Variants in PCBP3 observed in about 807,000 individuals in gnomAD.
The protein encoded by PCBP3 is poly(rC) binding protein 3.
Under a neutral mutation model 52.7 loss-of-function variants are expected in PCBP3, and 25 were observed. That is an observed-to-expected ratio of 0.47 (90% CI 0.35 to 0.66). The LOEUF is 0.66. PCBP3 is among the 30% of genes least tolerant of loss of function. The pLI, the probability that PCBP3 is intolerant of heterozygous loss-of-function variation, is 0.01. For missense variants in PCBP3, 391 were observed against 490.3 expected (o/e 0.80, Z 1.91); for synonymous variants, 162 against 183.0 (o/e 0.89, Z 0.93).
intron 4 of PCBP3, among the ~76,000 whole-genome samples, chr21:45,845,670 T>C (rs980805526): frequency 6.6e-6 from 1 of 151,952 alleles, no homozygotes; most frequent in African/African-American, 2.4e-5. Context: ...CTTTGCCATG[T>C]GCATGCATGT....
chr21:45,785,034 G>A (rs1302495660), intron 4 of PCBP3, among the ~76,000 whole-genome samples: 3 of 151,406 alleles, frequency 2.0e-5, no homozygotes, highest in African/African-American at 7.3e-5. Context: ...CTGCCCGGCC[G>A]CCCATCATCT....
rs2075789040 is a variant in PCBP3 at position 45,928,620 on chromosome 21, G to T, written c.718-1297G>T. ...AGGGGTGGCCAGGGCAAGCATGGGG[G>T]TCTGGTCAGGTGCTCAGCAGCCGGC... On this transcript the variant is annotated intron_variant, in intron 13 of 17. Transcript: ENST00000681687. This position sits in a 1 kb window ranked among gnomAD's most constrained non-coding sequence, Gnocchi z 4.1. Among the ~76,000 whole-genome samples, 7 of 152,122 alleles carry T rather than the reference G, an allele frequency of 4.6e-5. No homozygotes were observed. In the South Asian group the frequency reaches 1.2e-3, roughly 27 times the overall value.
At chr21:45,913,920 C>T in intron 11 of PCBP3, 31 bp from the exon 12 acceptor site, 1 of 1,584,340 alleles carries the variant, frequency 6.3e-7, no homozygotes, top group South Asian at 1.1e-5. Flanking sequence ...TGCTCTAACG[C>T]TCTCTCTCCC....
chr21:45,745,523 CGT>C, intron 3 of PCBP3, among the ~76,000 whole-genome samples: 1 of 152,240 alleles, frequency 6.6e-6, no homozygotes, highest in Admixed American at 6.5e-5. Context: ...AGATGCACCT[CGT>C]GTGTTCTAGC....
intron 11 of PCBP3, chr21:45,911,318 A>T: frequency 2.3e-6 from 1 of 427,008 alleles, no homozygotes; most frequent in Non-Finnish European, 4.4e-6. Flanking sequence ...AGAAGTTGTC[A>T]TCCCACTGAG....
intron 2 of PCBP3, among the ~76,000 whole-genome samples, chr21:45,673,334 G>A (rs2081284151): frequency 6.6e-6 from 1 of 152,174 alleles, no homozygotes; most frequent in African/African-American, 2.4e-5. Context: ...TGGTATGGCA[G>A]TTCATCTTTT....
In PCBP3 at chr21:45,909,759, C is replaced by T. The variant is rs536604557; in HGVS notation, c.471+273C>T. ...ACCTGGCCCACCCACTGCCCAGATA[C>T]GGACCCCCCCCACCCACTGCCCAGA... On this transcript the variant is annotated intron_variant, in intron 10 of 17. Coordinates refer to ENST00000681687, the MANE Select transcript of PCBP3 (RefSeq NM_001384156.1). 8.8e-4 allele frequency among the ~76,000 whole-genome samples: 95 copies of T among 107,382 alleles called. 1 individual carries two copies. The highest frequency in any genetic ancestry group is 1.1e-3 in the Non-Finnish European group (61 of 53,980). The allele number at this position is 107,382 out of a possible 152,430, so 70.4% of individuals were successfully genotyped here. A position where few individuals can be genotyped will look rare whatever the true frequency, so the allele number is the denominator to read the frequency against.
intron 4 of PCBP3, among the ~76,000 whole-genome samples, chr21:45,764,067 C>G (rs527635194): frequency 1.3e-5 from 2 of 149,806 alleles, no homozygotes; most frequent in East Asian, 3.9e-4. Flanking sequence ...CCCTTTTGTT[C>G]TTAGTGAGAT....
At chr21:45,661,377 G>A (rs181751852) in intron 1 of PCBP3, among the ~76,000 whole-genome samples, 40 of 151,756 alleles carry the variant, frequency 2.6e-4, no homozygotes, top group African/African-American at 9.2e-4. Flanking sequence ...ATATTACTTA[G>A]CTCCCATATT....
At chr21:45,681,603 C>A (rs987252444) in intron 2 of PCBP3, among the ~76,000 whole-genome samples, 1 of 152,152 alleles carries the variant, frequency 6.6e-6, no homozygotes, top group Non-Finnish European at 1.5e-5. Flanking sequence ...ATAAAAAAGT[C>A]ATAAGCTGAA....
intron 4 of PCBP3, among the ~76,000 whole-genome samples, chr21:45,839,773 G>A (rs554702250): frequency 9.9e-5 from 15 of 152,184 alleles, no homozygotes; most frequent in Middle Eastern, 3.4e-3. Context: ...TGCAGCCTCC[G>A]CTTCCCAGGT....
chr21:45,843,564 G>A (rs2093742947), intron 4 of PCBP3, among the ~76,000 whole-genome samples: 1 of 152,160 alleles, frequency 6.6e-6, no homozygotes, highest in African/African-American at 2.4e-5. Flanking sequence ...TGTTGCAGCT[G>A]TTTGCTACAA....
chr21:45,727,972 G>A (rs2085179360), intron 2 of PCBP3, among the ~76,000 whole-genome samples: 1 of 152,106 alleles, frequency 6.6e-6, no homozygotes, highest in Non-Finnish European at 1.5e-5. Flanking sequence ...TCTTGAAATC[G>A]GGCAGTATAA....
intron 5 of PCBP3, among the ~76,000 whole-genome samples, chr21:45,860,662 AG>A (rs1420632468): frequency 7.9e-5 from 12 of 152,218 alleles, no homozygotes; most frequent in Non-Finnish European, 1.5e-4. Flanking sequence ...CCAACAGCAA[AG>A]ATCGTGCGAG....
intron 2 of PCBP3, among the ~76,000 whole-genome samples, chr21:45,669,377 AATTT>A (rs1374999213): frequency 6.6e-6 from 1 of 152,046 alleles, no homozygotes; most frequent in Non-Finnish European, 1.5e-5. Flanking sequence ...TGTAGCTTCT[AATTT>A]ATTGTTTCTG....
At chr21:45,793,748 T>C (rs758691626) in intron 4 of PCBP3, among the ~76,000 whole-genome samples, 49 of 152,164 alleles carry the variant, frequency 3.2e-4, no homozygotes, top group Non-Finnish European at 5.7e-4. Context: ...AATGAGAAAC[T>C]GTACTCTAGA....
chr21:45,889,845 C>T (rs1019463129), intron 5 of PCBP3, among the ~76,000 whole-genome samples: 8 of 152,258 alleles, frequency 5.3e-5, no homozygotes, highest in African/African-American at 1.9e-4. Context: ...TTCTGATCCC[C>T]CCAGATTCTC....
At chr21:45,919,718 C>G in intron 13 of PCBP3, among the ~76,000 whole-genome samples, 1 of 152,222 alleles carries the variant, frequency 6.6e-6, no homozygotes, top group Non-Finnish European at 1.5e-5. Context: ...CAGTGCCTGA[C>G]CCCACTAGGA....
intron 2 of PCBP3, among the ~76,000 whole-genome samples, chr21:45,733,382 G>T (rs1044069326): frequency 2.0e-5 from 3 of 152,102 alleles, no homozygotes; most frequent in African/African-American, 7.2e-5. Context: ...CACCTCCTGG[G>T]TTCACGCCAT....
Sources: gnomAD v4.1 joint callset for allele counts (sites outside exome capture counted in the v4.1 genomes callset) on GRCh38, gnomAD v4.1.1 for gene constraint, Gnocchi (gnomAD v3.1) non-coding constraint, MANE v1.5 for transcripts, NCBI Gene and HGNC (gene_info 2026-07-23, HGNC 2026-07-21) for gene names.